Variants in FMN1 observed in about 807,000 individuals in gnomAD.
The protein encoded by FMN1 is formin 1, also known as formin-1.
Under a neutral mutation model 132.4 loss-of-function variants are expected in FMN1, and 110 were observed. That is an observed-to-expected ratio of 0.83 (90% CI 0.71 to 0.97). The LOEUF (loss-of-function observed/expected upper bound fraction) is 0.97, where lower values mean the gene tolerates loss of function less well. Ranked by LOEUF, FMN1 falls within the 50% of genes least tolerant of loss-of-function variation. The probability of loss-of-function intolerance (pLI) is 0.00; values close to 1 mark genes in which losing one functional copy is unlikely to be tolerated. For missense variants in FMN1, 1,792 were observed against 1,705.3 expected (o/e 1.05, Z -0.90); for synonymous variants, 722 against 651.7 (o/e 1.11, Z -1.64).
In FMN1 at chr15:32,774,837, T is replaced by C. The variant is rs2056363340; in HGVS notation, c.4216-483A>G. ...ATGACCAGATTTAGTCTCTGCAGAA[T>C]GGCAGAAGTTCCCGATTTGCCATGG... On this transcript the variant is annotated intron_variant, in intron 20 of 20. Transcript: ENST00000616417. Among the ~76,000 whole-genome samples, 3 of 152,226 alleles carry C rather than the reference T, an allele frequency of 2.0e-5. No individual in the cohort carries two copies. The South Asian group carries it at 6.2e-4, about 32-fold the overall frequency.
chr15:33,140,389 C>A (rs1223016070), intron 4 of FMN1, among the ~76,000 whole-genome samples: 1 of 152,120 alleles, frequency 6.6e-6, no homozygotes, highest in African/African-American at 2.4e-5. Flanking sequence ...AACAAAGCAA[C>A]CATTACAGAG....
intron 7 of FMN1, among the ~76,000 whole-genome samples, chr15:32,987,772 T>C (rs343927): frequency 0.52 from 79,020 of 152,140 alleles, 22,495 homozygotes; most frequent in East Asian, 0.78. Flanking sequence ...AATAAAAGCA[T>C]AGAATTAAAT....
At chr15:33,004,580 A>C (rs2034306721) in intron 7 of FMN1, among the ~76,000 whole-genome samples, 1 of 152,200 alleles carries the variant, frequency 6.6e-6, no homozygotes, top group Non-Finnish European at 1.5e-5. Context: ...ACACTTTTAC[A>C]CTGTTGGTGG....
At chr15:33,171,501 G>A (rs1456587247) in intron 3 of FMN1, among the ~76,000 whole-genome samples, 3 of 150,800 alleles carry the variant, frequency 2.0e-5, no homozygotes, top group Admixed American at 6.6e-5. Flanking sequence ...ATTATATGTC[G>A]ATTAAAAAAA....
chr15:33,029,436 T>C (rs919660825), intron 6 of FMN1, among the ~76,000 whole-genome samples: 1 of 151,822 alleles, frequency 6.6e-6, no homozygotes, highest in African/African-American at 2.4e-5. Context: ...ATACTTGAAA[T>C]AGCAGCTGTT....
chr15:32,975,740 G>C (rs2032151603), intron 7 of FMN1, among the ~76,000 whole-genome samples: 1 of 151,986 alleles, frequency 6.6e-6, no homozygotes, highest in African/African-American at 2.4e-5. Context: ...TCAGCTCAAA[G>C]GCTATTCCCA....
At chr15:32,886,313 A>G (rs1272097940) in intron 16 of FMN1, among the ~76,000 whole-genome samples, 1 of 152,172 alleles carries the variant, frequency 6.6e-6, no homozygotes, top group African/African-American at 2.4e-5. Context: ...GTTTTGGTGA[A>G]GCCTGGTACA....
Position 33,154,151 on chromosome 15 carries a change from G to A in FMN1, c.764C>T (p.Thr255Met), listed in dbSNP as rs540769140. ...TCCAAGCCCAGTGTCCTTGAAAGCC[G>A]TCTCAAAGCTCCCAAAGCCAAGGTC... ...DTDLGFGSFE[T>M]AFKDTGLGRE... Residue 255 changes from threonine (T) to methionine (M), a missense_variant, in exon 4 of 21, where the codon ACG becomes ATG. Physicochemically the swap from Thr to Met is moderately conservative, Grantham distance 81 (BLOSUM62 -1). Coordinates refer to ENST00000616417, the MANE Select transcript of FMN1 (RefSeq NM_001277313.2). The A allele has an allele frequency of 2.9e-5, 45 of 1,536,382 alleles. 1 individual carries two copies. Among genetic ancestry groups the A allele is most frequent in the South Asian group, 1.1e-4 (9 of 84,048 alleles).
intron 4 of FMN1, among the ~76,000 whole-genome samples, chr15:33,152,600 C>CT (rs1964482290): frequency 6.6e-6 from 1 of 152,000 alleles, no homozygotes; most frequent in South Asian, 2.1e-4. Context: ...ACACAGCGTA[C>CT]TTTTGCACTT....
intron 17 of FMN1, among the ~76,000 whole-genome samples, chr15:32,813,136 A>C (rs1382815739): frequency 1.3e-5 from 2 of 152,232 alleles, no homozygotes; most frequent in Non-Finnish European, 2.9e-5. Context: ...TGATTTAAAG[A>C]ATGGGTGTAG....
intron 10 of FMN1, among the ~76,000 whole-genome samples, chr15:32,916,962 C>A (rs1403106296): frequency 2.0e-5 from 3 of 152,090 alleles, no homozygotes; most frequent in Non-Finnish European, 4.4e-5. Context: ...AAAACTCTGA[C>A]AAACCTACTC....
intron 7 of FMN1, among the ~76,000 whole-genome samples, chr15:32,969,893 C>G (rs1324806006): frequency 6.6e-6 from 1 of 152,142 alleles, no homozygotes; most frequent in Admixed American, 6.5e-5. Flanking sequence ...GTTTAGAGCT[C>G]CTCTGGCTTA....
At chr15:32,838,218 T>A (rs2058669836) in intron 17 of FMN1, among the ~76,000 whole-genome samples, 1 of 150,468 alleles carries the variant, frequency 6.6e-6, no homozygotes. Flanking sequence ...CAGAAAGCTA[T>A]GAAAGAAGGC....
intron 5 of FMN1, chr15:33,067,940 TCA>T (rs2037825018): frequency 6.5e-7 from 1 of 1,544,464 alleles, no homozygotes; most frequent in Non-Finnish European, 8.7e-7. Context: ...TCCTGCGCTC[TCA>T]GTTTATCCAC....
chr15:33,181,243 AC>A (rs1324601230), intron 2 of FMN1, among the ~76,000 whole-genome samples: 2 of 152,152 alleles, frequency 1.3e-5, no homozygotes, highest in African/African-American at 4.8e-5. Flanking sequence ...GGAATATGAT[AC>A]CCATCTCTCT....
chr15:33,091,122 A>G (rs993021217), intron 4 of FMN1, among the ~76,000 whole-genome samples: 12 of 152,188 alleles, frequency 7.9e-5, no homozygotes, highest in Admixed American at 3.9e-4. Context: ...AAAACATAAC[A>G]TATATAATAT....
chr15:33,137,029 AGTGAG>A (rs1963797931), intron 4 of FMN1, among the ~76,000 whole-genome samples: 1 of 141,664 alleles, frequency 7.1e-6, no homozygotes, highest in African/African-American at 2.6e-5. Context: ...CAGAGGTTGC[AGTGAG>A]CCAAAATCAC....
chr15:32,975,946 C>G (rs1391243853), intron 7 of FMN1, among the ~76,000 whole-genome samples: 2 of 152,120 alleles, frequency 1.3e-5, no homozygotes, highest in Admixed American at 1.3e-4. Flanking sequence ...TGTACTAAAA[C>G]CCAAGCAACA....
intron 5 of FMN1, among the ~76,000 whole-genome samples, chr15:33,071,681 A>G (rs1249385036): frequency 6.6e-6 from 1 of 152,150 alleles, no homozygotes; most frequent in Non-Finnish European, 1.5e-5. Context: ...GAGTAACAGG[A>G]GCACGAGTAA....
Sources: gnomAD v4.1 joint callset for allele counts (sites outside exome capture counted in the v4.1 genomes callset) on GRCh38, gnomAD v4.1.1 for gene constraint, MANE v1.5 for transcripts, NCBI Gene and HGNC (gene_info 2026-07-23, HGNC 2026-07-21) for gene names.